Variants in GRM8 observed in about 807,000 individuals in gnomAD.
GRM8 encodes glutamate metabotropic receptor 8.
GRM8 carries 47 observed loss-of-function variants against 87.2 expected under a neutral mutation model. That is an observed-to-expected ratio of 0.54 (90% CI 0.43 to 0.69). The LOEUF (loss-of-function observed/expected upper bound fraction) is 0.69, where lower values mean the gene tolerates loss of function less well. Among genes scored for constraint, GRM8 ranks in the 30% least tolerant of loss-of-function variants. GRM8 has a pLI of 0.00. For synonymous variants in GRM8, 396 were observed against 404.5 expected, an observed-to-expected ratio of 0.98 and a Z score of 0.25; for missense variants, 1,019 against 1,139.2, an observed-to-expected ratio of 0.89 and a Z score of 1.52.
intron 3 of GRM8, among the ~76,000 whole-genome samples, chr7:127,009,152 C>T (rs1814626588): frequency 6.6e-6 from 1 of 151,902 alleles, no homozygotes; most frequent in South Asian, 2.1e-4. Flanking sequence ...ACTAAATTAA[C>T]TACTACTTTA....
chr7:126,581,995 T>G (rs1412247512), intron 8 of GRM8, among the ~76,000 whole-genome samples: 1 of 152,138 alleles, frequency 6.6e-6, no homozygotes, highest in African/African-American at 2.4e-5. Context: ...TTAGGCCAAC[T>G]ACCAACACTA....
intron 7 of GRM8, among the ~76,000 whole-genome samples, chr7:126,665,716 A>G (rs1805686530): frequency 6.6e-6 from 1 of 152,110 alleles, no homozygotes; most frequent in Admixed American, 6.5e-5. Flanking sequence ...ATACCTAAAC[A>G]TGCACTTGTA....
At position 126,656,254 on chromosome 7, in the gene GRM8, A is replaced by G. The variant is rs190347815; in HGVS notation, c.1358-46756T>C. Among the ~76,000 whole-genome samples the G allele has an allele frequency of 1.5e-3, 226 of 152,316 alleles. 3 individuals are homozygous for G. In the South Asian group the frequency reaches 0.044, roughly 29 times the overall value. Reference sequence around the variant, plus strand: ...CACACATCCTTTCCTTCTGGTAGTCAAAACAGTGAGAAATGTGAAGGAGGG... The same window carrying G: ...CACACATCCTTTCCTTCTGGTAGTCGAAACAGTGAGAAATGTGAAGGAGGG... On this transcript the variant is annotated intron_variant, in intron 7 of 10. Coordinates refer to ENST00000339582, the MANE Select transcript of GRM8 (RefSeq NM_000845.3).
At chr7:126,714,011 C>T (rs1195307358) in intron 7 of GRM8, among the ~76,000 whole-genome samples, 2 of 151,394 alleles carry the variant, frequency 1.3e-5, no homozygotes, top group Non-Finnish European at 1.5e-5. Context: ...GTGGCTCACA[C>T]CTGTAATCCC....
At position 126,446,345 on chromosome 7, in the gene GRM8, C is replaced by T. The variant is rs761731845; in HGVS notation, c.2458G>A (p.Val820Ile). ...ACTGAAGCACTTAAACTCATGGAGACAGTAAGTGTTGTTGTCTGGATGTAC... is the reference window on the plus strand; with the variant it reads ...ACTGAAGCACTTAAACTCATGGAGATAGTAAGTGTTGTTGTCTGGATGTAC... ...KMYIQTTTLTVSMSLSASVSL... is the reference protein window; with the variant it reads ...KMYIQTTTLTISMSLSASVSL... The change falls in exon 10 of 11, where the codon GTC (valine) becomes ATC (isoleucine). Residue 820 changes from valine (V) to isoleucine (I), a missense_variant. Coordinates refer to ENST00000339582, the MANE Select transcript of GRM8 (RefSeq NM_000845.3). The T allele has an allele frequency of 3.1e-6, 5 of 1,607,440 alleles. No individual in the cohort carries two copies. The Admixed American group carries it at 8.4e-5, about 27-fold the overall frequency.
At chr7:126,605,127 T>C (rs1256828464) in intron 8 of GRM8, among the ~76,000 whole-genome samples, 1 of 152,146 alleles carries the variant, frequency 6.6e-6, no homozygotes, top group Non-Finnish European at 1.5e-5. Flanking sequence ...CCAGTACACG[T>C]TCTCCCTGTG....
At chr7:126,929,523 T>G (rs1044143690) in intron 3 of GRM8, among the ~76,000 whole-genome samples, 3 of 152,106 alleles carry the variant, frequency 2.0e-5, no homozygotes, top group Non-Finnish European at 2.9e-5. Flanking sequence ...AACCTCCACC[T>G]CCCGGGGTCA....
At chr7:126,875,565 G>A (rs1454947504) in intron 6 of GRM8, among the ~76,000 whole-genome samples, 1 of 152,150 alleles carries the variant, frequency 6.6e-6, no homozygotes, top group East Asian at 1.9e-4. Flanking sequence ...AATGTATCTT[G>A]TGAGCCATCT....
chr7:126,498,707 T>G (rs1015174999), intron 9 of GRM8, among the ~76,000 whole-genome samples: 2 of 152,000 alleles, frequency 1.3e-5, no homozygotes, highest in African/African-American at 4.8e-5. Context: ...CCACCTTACT[T>G]CTGCCCTGTG....
intron 7 of GRM8, among the ~76,000 whole-genome samples, chr7:126,768,950 A>T (rs959775451): frequency 6.6e-6 from 1 of 151,656 alleles, no homozygotes; most frequent in African/African-American, 2.4e-5. Flanking sequence ...AATAAAGAAG[A>T]AGTTTCCACT....
chr7:126,647,235 G>A (rs966504111), intron 7 of GRM8, among the ~76,000 whole-genome samples: 1 of 151,788 alleles, frequency 6.6e-6, no homozygotes, highest in South Asian at 2.1e-4. Flanking sequence ...ATCAACAAAT[G>A]TATAAGCACA....
chr7:126,906,996 A>G lies in GRM8; in HGVS notation c.728-2313T>C, dbSNP rs190490351. ...AATGGTGAATAAAAGAAATTCTCTA[A>G]GTTCACAGAATTCAGAAATATTGTG... On this transcript the variant is annotated intron_variant, in intron 3 of 10. Transcript: ENST00000339582. Among the ~76,000 whole-genome samples, 16 of 152,294 alleles carry G rather than the reference A, an allele frequency of 1.1e-4. No individual in the cohort carries two copies. The East Asian group carries it at 3.1e-3, about 29-fold the overall frequency.
chr7:127,070,285 C>G (rs1282356849), intron 3 of GRM8, among the ~76,000 whole-genome samples: 1 of 152,112 alleles, frequency 6.6e-6, no homozygotes, highest in Non-Finnish European at 1.5e-5. Context: ...TCATTATATA[C>G]AAGCCCCATT....
chr7:127,217,398 T>A (rs1289092602), intron 2 of GRM8, among the ~76,000 whole-genome samples: 2 of 152,140 alleles, frequency 1.3e-5, no homozygotes, highest in African/African-American at 4.8e-5. Context: ...GAAAAAAGCA[T>A]CCAGACAGAA....
intron 7 of GRM8, among the ~76,000 whole-genome samples, chr7:126,724,146 T>G (rs1812719320): frequency 6.6e-6 from 1 of 152,174 alleles, no homozygotes; most frequent in Non-Finnish European, 1.5e-5. Context: ...CCGACTCAGC[T>G]ACTACTGTGA....
chr7:126,769,891 C>T lies in GRM8; in HGVS notation c.1331G>A (p.Gly444Asp). The T allele has an allele frequency of 6.3e-7, 1 of 1,577,722 alleles. No homozygotes were observed. Among genetic ancestry groups the T allele is most frequent in the Non-Finnish European group, 8.6e-7 (1 of 1,158,808 alleles). Reference protein sequence around the residue: ...MSTIDGKELLGYIRAVNFNGS... With the variant: ...MSTIDGKELLDYIRAVNFNGS... ...ATTAAAATTTACAGCCCGAATATAA[C>T]CAAGTAGCTCTTTCCCATCAATGGT... The change falls in exon 7 of 11, where the codon GGT (glycine) becomes GAT (aspartate). Residue 444 changes from glycine to aspartate, a missense_variant. Physicochemically the swap from Gly to Asp is moderately conservative, Grantham distance 94 (BLOSUM62 -1). Coordinates refer to ENST00000339582, the MANE Select transcript of GRM8 (RefSeq NM_000845.3).
At chr7:127,210,326 T>A (rs1796141132) in intron 2 of GRM8, among the ~76,000 whole-genome samples, 1 of 152,246 alleles carries the variant, frequency 6.6e-6, no homozygotes, top group Admixed American at 6.5e-5. Context: ...AGTGTTTTTT[T>A]AAATTAACAT....
chr7:126,904,799 T>G, intron 3 of GRM8, 116 bp from the exon 4 acceptor site: 1 of 879,304 alleles, frequency 1.1e-6, no homozygotes, highest in Non-Finnish European at 1.8e-6. Context: ...TCTCAAAATA[T>G]GTGTCACTCT....
intron 8 of GRM8, among the ~76,000 whole-genome samples, chr7:126,588,915 G>C (rs1362195056): frequency 1.3e-5 from 2 of 152,124 alleles, no homozygotes; most frequent in African/African-American, 2.4e-5. Flanking sequence ...AGACAATTTA[G>C]AGAGCCAAGT....
Sources: gnomAD v4.1 joint callset for allele counts (sites outside exome capture counted in the v4.1 genomes callset) on GRCh38, gnomAD v4.1.1 for gene constraint, MANE v1.5 for transcripts, NCBI Gene and HGNC (gene_info 2026-07-23, HGNC 2026-07-21) for gene names.